AMPD3: variants seen among roughly 807,000 people sequenced by gnomAD.
The protein encoded by AMPD3 is adenosine monophosphate deaminase 3, also known as AMP deaminase 3.
Under a neutral mutation model 82.3 loss-of-function variants are expected in AMPD3, and 57 were observed. That is an observed-to-expected ratio of 0.69 (90% CI 0.56 to 0.86). AMPD3 has a LOEUF of 0.86. Among genes scored for constraint, AMPD3 ranks in the 40% least tolerant of loss-of-function variants. The probability of loss-of-function intolerance (pLI) is 0.00; values close to 1 mark genes in which losing one functional copy is unlikely to be tolerated. For synonymous variants in AMPD3, 381 were observed against 394.7 expected (o/e 0.97, Z 0.41); for missense variants, 870 against 1,003.8 (o/e 0.87, Z 1.80).
At chr11:10,498,720 T>C (rs565098724) in intron 10 of AMPD3, among the ~76,000 whole-genome samples, 115 of 152,344 alleles carry the variant, frequency 7.5e-4, no homozygotes, top group Non-Finnish European at 1.3e-3. Flanking sequence ...CCAGCAGACC[T>C]GGCTGGGGTC....
At position 10,506,252 on chromosome 11, in the gene AMPD3, G is replaced by A; in HGVS notation, c.*368G>A. ...TGCCATACTTTTCTCCATTGGCCCA[G>A]GTAGGCTAATTGGTAGTTGTTCATT... On this transcript the variant is annotated 3_prime_UTR_variant, in exon 15 of 15. Coordinates refer to ENST00000396553, the MANE Select transcript of AMPD3 (RefSeq NM_001025389.2). The surrounding 1 kb of genome is among the most constrained non-coding windows in gnomAD (Gnocchi z 4.1). The A allele has an allele frequency of 3.4e-6, 1 of 295,772 alleles. No homozygotes were observed. Among genetic ancestry groups the A allele is most frequent in the Non-Finnish European group, 6.6e-6 (1 of 151,828 alleles). The allele number at this position is 295,772 out of a possible 1,614,324, so 18.3% of individuals were successfully genotyped here.
At chr11:10,496,392 G>T in intron 9 of AMPD3, 38 of 985,446 alleles carry the variant, frequency 3.9e-5, no homozygotes, top group Non-Finnish European at 4.5e-5. Flanking sequence ...TCACTCAGAC[G>T]GCTGCTGTCC....
chr11:10,473,581 C>A (rs1848653778), intron 2 of AMPD3: 1 of 985,410 alleles, frequency 1.0e-6, no homozygotes, highest in East Asian at 1.1e-4. Context: ...ATCAAAGTTA[C>A]ACCCACCTGG....
At position 10,496,896 on chromosome 11, in the gene AMPD3, C is replaced by T; in HGVS notation, c.1515C>T (p.Ile505=). The part of the protein sequence containing the change: ...NIFLPLFKAT[I]NPQDHRELHL... ...TCCTGCCCCTTTTCAAGGCCACTAT[C>T]AACCCCCAAGATCATCGAGAGCTTC... The change falls in exon 10 of 15, where the codon ATC becomes ATT. Residue 505 remains isoleucine (I), a synonymous_variant. Coordinates refer to ENST00000396553, the MANE Select transcript of AMPD3 (RefSeq NM_001025389.2). 6.2e-7 allele frequency: 1 copy of T among 1,614,150 alleles called. No homozygotes were observed.
chr11:10,489,364 C>T (rs1849174183), intron 6 of AMPD3, among the ~76,000 whole-genome samples: 1 of 152,224 alleles, frequency 6.6e-6, no homozygotes, highest in South Asian at 2.1e-4. Context: ...AAGGTGTCCT[C>T]ACTGGCTGTG....
chr11:10,465,629 C>T (rs541871249), intron 2 of AMPD3, among the ~76,000 whole-genome samples: 1 of 152,232 alleles, frequency 6.6e-6, no homozygotes, highest in African/African-American at 2.4e-5. Flanking sequence ...AATTATCTTC[C>T]TTACCCAAGG....
upstream of AMPD3, chr11:10,450,995 C>T (rs756177793): frequency 8.9e-6 from 14 of 1,573,126 alleles, no homozygotes; most frequent in Admixed American, 3.5e-5. Context: ...TGCTCCAGCC[C>T]TGCGGCCGTC....
chr11:10,494,910 A>G lies in AMPD3; in HGVS notation c.1146A>G (p.Thr382=). The stretch of plus-strand genomic sequence containing the variant: ...GTCTCCCCCCTCAGGGCCGGCAGAC[A>G]TTCCACCGCTTTGACAAGTTCAACT... The part of the protein sequence containing the change: ...DSLDVHAGRQ[T]FHRFDKFNSK... Residue 382 remains threonine (T), a synonymous_variant, in exon 8 of 15, where the codon ACA becomes ACG. Coordinates refer to ENST00000396553, the MANE Select transcript of AMPD3 (RefSeq NM_001025389.2). 6.2e-7 allele frequency: 1 copy of G among 1,614,150 alleles called. No homozygotes were observed. The highest frequency in any genetic ancestry group is 8.5e-7 in the Non-Finnish European group (1 of 1,179,980).
intron 2 of AMPD3, among the ~76,000 whole-genome samples, chr11:10,476,073 T>C (rs568471497): frequency 6.6e-6 from 1 of 152,294 alleles, no homozygotes; most frequent in African/African-American, 2.4e-5. Context: ...GCCATCAAGT[T>C]TGTGGCAATT....
At chr11:10,505,595 C>G in intron 14 of AMPD3, 113 bp from the exon 15 acceptor site, 1 of 1,529,166 alleles carries the variant, frequency 6.5e-7, no homozygotes, top group Non-Finnish European at 8.7e-7. Flanking sequence ...GACCAAAGAT[C>G]TGCTTCAGGG....
intron 6 of AMPD3, chr11:10,488,428 G>C (rs1591471986): frequency 2.0e-6 from 2 of 984,906 alleles, no homozygotes; most frequent in Non-Finnish European, 2.4e-6. Flanking sequence ...TCCAGGTAGA[G>C]GCACGTGATG....
chr11:10,476,845 A>C (rs1848752814), intron 2 of AMPD3: 1 of 899,762 alleles, frequency 1.1e-6, no homozygotes, highest in South Asian at 5.0e-5. Context: ...CATTTGATGG[A>C]GGACAGACCA....
At chr11:10,459,459 C>T (rs966052480) in intron 1 of AMPD3, among the ~76,000 whole-genome samples, 3 of 152,138 alleles carry the variant, frequency 2.0e-5, no homozygotes, top group Admixed American at 6.5e-5. Flanking sequence ...CAGATGAGAA[C>T]ATTGTGAGGC....
intron 1 of AMPD3, chr11:10,455,878 T>A: frequency 1.0e-6 from 1 of 983,656 alleles, no homozygotes; most frequent in South Asian, 4.7e-5. Context: ...CCAATCCCCT[T>A]GATAAAATGC....
At chr11:10,497,827 T>C (rs1409868364) in intron 10 of AMPD3, 1 of 985,176 alleles carries the variant, frequency 1.0e-6, no homozygotes, top group Non-Finnish European at 1.2e-6. Context: ...CCTGGCCTGG[T>C]CAGACGCCAC....
intron 10 of AMPD3, among the ~76,000 whole-genome samples, chr11:10,498,760 G>C (rs1849493613): frequency 1.3e-5 from 2 of 152,202 alleles, no homozygotes; most frequent in Non-Finnish European, 2.9e-5. Context: ...CCTCCAGTTT[G>C]GGCCAGTTGT....
At chr11:10,452,797 T>C (rs1435558841), upstream of AMPD3, among the ~76,000 whole-genome samples, 2 of 152,238 alleles carry the variant, frequency 1.3e-5, no homozygotes, top group Non-Finnish European at 2.9e-5. Context: ...CTTATGCTCA[T>C]TGTCATGGCA....
chr11:10,450,888 C>T, upstream of AMPD3: 1 of 1,230,684 alleles, frequency 8.1e-7, no homozygotes, highest in South Asian at 3.5e-5. Context: ...AACGCCCGGC[C>T]CCCGCGCCTG....
At chr11:10,488,255 G>A (rs1849137180) in intron 6 of AMPD3, 1 of 985,356 alleles carries the variant, frequency 1.0e-6, no homozygotes, top group Non-Finnish European at 1.2e-6. Context: ...GCGCTGTGCA[G>A]TGAGGCACAG....
Sources: allele counts gnomAD v4.1 joint callset (sites outside exome capture counted in the v4.1 genomes callset), GRCh38; gene constraint gnomAD v4.1.1; non-coding constraint Gnocchi (gnomAD v3.1); transcripts MANE v1.5; gene names NCBI Gene and HGNC (gene_info 2026-07-23, HGNC 2026-07-21).